Variants in SYBU observed in about 807,000 individuals in gnomAD.
SYBU encodes syntabulin, also known as GOLSYN A protein.
In SYBU, 21 loss-of-function variants were observed where a neutral mutation model predicts 35.9. That is an observed-to-expected ratio of 0.58 (90% confidence interval 0.41 to 0.84). The LOEUF (loss-of-function observed/expected upper bound fraction) is 0.84, where lower values mean the gene tolerates loss of function less well. Among genes scored for constraint, SYBU ranks in the 40% least tolerant of loss-of-function variants. The pLI is 0.00. For missense variants in SYBU, 768 were observed against 848.2 expected, an observed-to-expected ratio of 0.91 and a Z score of 1.17; for synonymous variants, 319 against 324.3, an observed-to-expected ratio of 0.98 and a Z score of 0.18.
chr8:109,636,411 C>A (rs564979479), intron 2 of SYBU, among the ~76,000 whole-genome samples: 236 of 152,226 alleles, frequency 1.6e-3, no homozygotes, highest in African/African-American at 5.4e-3. Flanking sequence ...ATTTATTACC[C>A]CATTTATTTC....
At chr8:109,643,097 C>T in intron 1 of SYBU, 165 bp from the exon 2 acceptor site, 1 of 1,367,616 alleles carries the variant, frequency 7.3e-7, no homozygotes. Context: ...CTTCAAAACT[C>T]TTCCAATGAG....
At chr8:109,615,995 TTCTTTTCTTTC>T (rs1435486303) in intron 3 of SYBU, among the ~76,000 whole-genome samples, 13 of 129,094 alleles carry the variant, frequency 1.0e-4, no homozygotes, top group African/African-American at 4.0e-4. Context: ...TTCTTTTCTT[TTCTTTTCTTTC>T]TTTTTTTTTT....
In SYBU at chr8:109,632,817, C is replaced by T. The variant is rs1036798936; in HGVS notation, c.229+9911G>A. Among the ~76,000 whole-genome samples the T allele has an allele frequency of 5.3e-5, 8 of 152,120 alleles. No homozygotes were observed. In the East Asian group the frequency reaches 9.6e-4, roughly 18 times the overall value. ...TGGTCCTCTGTAGAGTGACACGCCA[C>T]GCTGTCATTACCATGAATGAGGGGG... On this transcript the variant is annotated intron_variant, in intron 2 of 6. Transcript: ENST00000276646.
rs141273630 is a variant in SYBU at position 109,603,602 on chromosome 8, C to A, written c.427+15240G>T. 419 of 159,374 alleles carry A rather than the reference C, an allele frequency of 2.6e-3. 3 individuals are homozygous for A. The East Asian group carries it at 0.033, about 13-fold the overall frequency. 9.9% of individuals were successfully genotyped at this position (159,374 alleles called of 1,614,324 possible). ...CCAGCCCACAATGTTCTGTGAAAAACCAAAATAAAATGGAAAAGCAAAGCA... is the reference window on the plus strand; with the variant it reads ...CCAGCCCACAATGTTCTGTGAAAAAACAAAATAAAATGGAAAAGCAAAGCA... On this transcript the variant is annotated intron_variant, in intron 3 of 6. Coordinates refer to ENST00000276646, the MANE Select transcript of SYBU (RefSeq NM_001099754.2).
chr8:109,682,245 A>G (rs1817418291), upstream of SYBU, among the ~76,000 whole-genome samples: 1 of 152,216 alleles, frequency 6.6e-6, no homozygotes, highest in African/African-American at 2.4e-5. Flanking sequence ...AGAAGACAGG[A>G]AAATGTGGAA....
At chr8:109,690,550 C>T (rs530161801) in intron 1 of SYBU, among the ~76,000 whole-genome samples, 13 of 152,312 alleles carry the variant, frequency 8.5e-5, no homozygotes, top group African/African-American at 3.1e-4. Flanking sequence ...GTGGAGTCTC[C>T]TGTTTTCCTT....
chr8:109,612,530 C>G (rs1811290214), intron 3 of SYBU, among the ~76,000 whole-genome samples: 1 of 152,054 alleles, frequency 6.6e-6, no homozygotes. Flanking sequence ...TTTTTCCACT[C>G]TATGGAGACA....
At chr8:109,587,864 T>G (rs1171002262) in intron 3 of SYBU, among the ~76,000 whole-genome samples, 1 of 152,178 alleles carries the variant, frequency 6.6e-6, no homozygotes, top group Non-Finnish European at 1.5e-5. Flanking sequence ...AGCTATTCCT[T>G]CTGGATTGCA....
intron 1 of SYBU, among the ~76,000 whole-genome samples, chr8:109,673,889 A>C (rs985518105): frequency 6.6e-6 from 1 of 152,220 alleles, no homozygotes; most frequent in Non-Finnish European, 1.5e-5. Context: ...TGAAGCATAC[A>C]CAAGTATCAA....
At chr8:109,651,959 G>A (rs1816160122) in intron 1 of SYBU, among the ~76,000 whole-genome samples, 2 of 152,226 alleles carry the variant, frequency 1.3e-5, no homozygotes. Context: ...TAGAAGGCAT[G>A]ATGAATGCAC....
intron 3 of SYBU, among the ~76,000 whole-genome samples, chr8:109,601,473 T>C (rs546326140): frequency 3.0e-4 from 46 of 152,226 alleles, no homozygotes; most frequent in South Asian, 2.3e-3. Context: ...TGCTCAAGGG[T>C]TTCCTAGGAG....
chr8:109,624,188 T>C (rs1180616100), intron 2 of SYBU, among the ~76,000 whole-genome samples: 2 of 152,030 alleles, frequency 1.3e-5, no homozygotes, highest in African/African-American at 2.4e-5. Flanking sequence ...TTCATGGTCA[T>C]ATAAAAAAAC....
At chr8:109,680,383 T>C (rs1817358721) in intron 1 of SYBU, among the ~76,000 whole-genome samples, 1 of 152,222 alleles carries the variant, frequency 6.6e-6, no homozygotes, top group Admixed American at 6.5e-5. Context: ...CGAAAGAAAT[T>C]AGTTTTGTAC....
intron 1 of SYBU, among the ~76,000 whole-genome samples, chr8:109,676,687 A>C (rs528191840): frequency 6.6e-6 from 1 of 152,228 alleles, no homozygotes; most frequent in African/African-American, 2.4e-5. Context: ...CTTGTATACA[A>C]ATATAAATGA....
At chr8:109,605,529 T>C (rs1825983971) in intron 3 of SYBU, among the ~76,000 whole-genome samples, 1 of 152,170 alleles carries the variant, frequency 6.6e-6, no homozygotes, top group Non-Finnish European at 1.5e-5. Flanking sequence ...CCACGTTCTT[T>C]CCAGGGAAAA....
At chr8:109,648,415 G>T (rs1433188790), upstream of SYBU, among the ~76,000 whole-genome samples, 2 of 151,452 alleles carry the variant, frequency 1.3e-5, no homozygotes, top group Non-Finnish European at 1.5e-5. Flanking sequence ...GTAATTAAAT[G>T]ATTCCTACCT....
chr8:109,628,619 A>G (rs1415532337), intron 2 of SYBU, among the ~76,000 whole-genome samples: 1 of 152,138 alleles, frequency 6.6e-6, no homozygotes, highest in African/African-American at 2.4e-5. Flanking sequence ...CTGGGATAAT[A>G]GGCATGAGCG....
chr8:109,576,133 C>A, intron 6 of SYBU, 120 bp from the exon 7 acceptor site: 1 of 1,225,734 alleles, frequency 8.2e-7, no homozygotes, highest in Non-Finnish European at 1.1e-6. Context: ...TCATACTCTT[C>A]CACTTGAAAT....
At chr8:109,662,825 C>G (rs1563770953) in intron 1 of SYBU, among the ~76,000 whole-genome samples, 1 of 152,154 alleles carries the variant, frequency 6.6e-6, no homozygotes, top group Non-Finnish European at 1.5e-5. Context: ...CATTCACTCT[C>G]CATTTATTTT....
Sources: gnomAD v4.1 joint callset for allele counts (sites outside exome capture counted in the v4.1 genomes callset) on GRCh38, gnomAD v4.1.1 for gene constraint, MANE v1.5 for transcripts, NCBI Gene and HGNC (gene_info 2026-07-23, HGNC 2026-07-21) for gene names.